Variants in AGBL4 observed in about 807,000 individuals in gnomAD.
AGBL4 encodes the protein cytosolic carboxypeptidase 6.
In AGBL4, 58 loss-of-function variants were observed where a neutral mutation model predicts 66.4. The observed-to-expected ratio is 0.87, with a 90% CI of 0.71 to 1.09. The LOEUF (loss-of-function observed/expected upper bound fraction) is 1.09. AGBL4 is among the 50% of genes least tolerant of loss of function. The probability of loss-of-function intolerance (pLI) is 0.00; values close to 1 mark genes in which losing one functional copy is unlikely to be tolerated. For synonymous variants in AGBL4, 234 were observed against 222.9 expected (o/e 1.05, Z -0.44); for missense variants, 579 against 631.0 (o/e 0.92, Z 0.88).
chr1:49,377,981 C>A (rs943515370), intron 3 of AGBL4, among the ~76,000 whole-genome samples: 4 of 151,824 alleles, frequency 2.6e-5, no homozygotes, highest in African/African-American at 9.7e-5. Flanking sequence ...TGTCTCCCAA[C>A]ACAAACTTCA....
chr1:48,575,850 C>T (rs1644645187), intron 11 of AGBL4, among the ~76,000 whole-genome samples: 2 of 152,216 alleles, frequency 1.3e-5, no homozygotes, highest in African/African-American at 4.8e-5. Flanking sequence ...CCTCACCATG[C>T]ATAGGCTACA....
rs12117516 is a variant in AGBL4, at chr1:49,950,054, A to G, written c.34+73709T>C. ...TGTGTATATATATACACATATGTGTATATATACACACATATATATACACAT... is the reference window on the plus strand; with the variant it reads ...TGTGTATATATATACACATATGTGTGTATATACACACATATATATACACAT... On this transcript the variant is annotated intron_variant, in intron 1 of 13. Transcript: ENST00000371839. Among the ~76,000 whole-genome samples, 6 of 142,994 alleles carry G rather than the reference A, an allele frequency of 4.2e-5. No homozygotes were observed. The South Asian group carries it at 1.1e-3, about 26-fold the overall frequency. 93.8% of individuals were successfully genotyped at this position (142,994 alleles called of 152,430 possible). A position where few individuals can be genotyped will look rare whatever the true frequency, so the allele number is the denominator to read the frequency against.
chr1:48,738,650 T>C (rs967051759), intron 6 of AGBL4, among the ~76,000 whole-genome samples: 1 of 152,208 alleles, frequency 6.6e-6, no homozygotes. Context: ...CAGAAAATCA[T>C]AGAGATGGAT....
intron 5 of AGBL4, among the ~76,000 whole-genome samples, chr1:48,979,061 A>C (rs958611401): frequency 4.6e-5 from 7 of 152,130 alleles, no homozygotes; most frequent in African/African-American, 1.7e-4. Flanking sequence ...GCTTGGCAAA[A>C]GCTGGAAAAC....
intron 3 of AGBL4, among the ~76,000 whole-genome samples, chr1:49,338,053 G>T (rs1570467002): frequency 6.6e-6 from 1 of 152,138 alleles, no homozygotes; most frequent in Admixed American, 6.5e-5. Context: ...TTGAAGTTTA[G>T]TTACTTAAAT....
rs937924380 is a variant in AGBL4 at position 48,983,721 on chromosome 1, C to T, written c.594+61863G>A. On this transcript the variant is annotated intron_variant, in intron 5 of 13. Coordinates refer to ENST00000371839, the MANE Select transcript of AGBL4 (RefSeq NM_032785.4). ...TCAGCCACTTACTAGCTGTGAGTCCCTGGGCAAATTAATTAATCTCTGTGC... is the reference window on the plus strand; with the variant it reads ...TCAGCCACTTACTAGCTGTGAGTCCTTGGGCAAATTAATTAATCTCTGTGC... 2.6e-5 allele frequency among the ~76,000 whole-genome samples: 4 copies of T among 152,200 alleles called. No homozygotes were observed. The East Asian group carries it at 7.7e-4, about 29-fold the overall frequency.
chr1:49,017,031 A>C (rs6669433), intron 5 of AGBL4, among the ~76,000 whole-genome samples: 86,440 of 152,046 alleles, frequency 0.57, 25,025 homozygotes, highest in Non-Finnish European at 0.61. Flanking sequence ...CCTTTAATGA[A>C]AAACAGCTAC....
At chr1:49,526,236 T>C (rs996868482) in intron 3 of AGBL4, among the ~76,000 whole-genome samples, 3 of 152,190 alleles carry the variant, frequency 2.0e-5, no homozygotes, top group Non-Finnish European at 4.4e-5. Context: ...TAAATAACCC[T>C]ATCTTACTGA....
intron 5 of AGBL4, among the ~76,000 whole-genome samples, chr1:48,904,642 G>T (rs941186192): frequency 1.3e-5 from 2 of 152,140 alleles, no homozygotes; most frequent in African/African-American, 4.8e-5. Flanking sequence ...TTCCTCATAT[G>T]TAAAATGGGG....
intron 5 of AGBL4, among the ~76,000 whole-genome samples, chr1:49,021,678 T>C (rs1663263704): frequency 6.6e-6 from 1 of 152,166 alleles, no homozygotes; most frequent in African/African-American, 2.4e-5. Flanking sequence ...CTATGGTACT[T>C]TGTCATAGCA....
intron 4 of AGBL4, among the ~76,000 whole-genome samples, chr1:49,167,739 T>C (rs547290588): frequency 9.5e-4 from 144 of 152,318 alleles, no homozygotes; most frequent in South Asian, 7.9e-3. Flanking sequence ...TTATATTTGT[T>C]TTAGAGAATG....
At chr1:48,966,908 C>T (rs879697702) in intron 5 of AGBL4, among the ~76,000 whole-genome samples, 1 of 152,014 alleles carries the variant, frequency 6.6e-6, no homozygotes, top group Non-Finnish European at 1.5e-5. Flanking sequence ...ATTCAGGTCA[C>T]ATGGTGGGTA....
intron 3 of AGBL4, among the ~76,000 whole-genome samples, chr1:49,610,996 C>G (rs1035338430): frequency 3.3e-5 from 5 of 152,178 alleles, no homozygotes; most frequent in African/African-American, 1.2e-4. Context: ...TAAGGAAGTA[C>G]TGTAGCTCTA....
At chr1:49,668,046 G>T (rs1367440738) in intron 3 of AGBL4, among the ~76,000 whole-genome samples, 1 of 152,098 alleles carries the variant, frequency 6.6e-6, no homozygotes, top group Non-Finnish European at 1.5e-5. Flanking sequence ...CCCAGTTTAG[G>T]GATTCAATAA....
chr1:49,798,948 T>C (rs1378341540), intron 2 of AGBL4, among the ~76,000 whole-genome samples: 2 of 152,146 alleles, frequency 1.3e-5, no homozygotes, highest in Admixed American at 1.3e-4. Context: ...TTTTATTTAA[T>C]AGCTAAGAAA....
In AGBL4 at chr1:48,534,063, C is replaced by T. The variant is rs1283641883; in HGVS notation, c.*110G>A. On this transcript the variant is annotated 3_prime_UTR_variant, in exon 14 of 14. Transcript: ENST00000371839. ...ATTGTATCCCTTCCCTTTCACTAGC[C>T]TATGCATTAATCCACAAATCCTTGG... The T allele has an allele frequency of 1.3e-6, 2 of 1,481,876 alleles. No homozygotes were observed. Among genetic ancestry groups the T allele is most frequent in the South Asian group, 2.4e-5 (2 of 82,142 alleles). The allele number at this position is 1,481,876 out of a possible 1,614,324, so 91.8% of individuals were successfully genotyped here. A position where few individuals can be genotyped will look rare whatever the true frequency, so the allele number is the denominator to read the frequency against.
intron 3 of AGBL4, among the ~76,000 whole-genome samples, chr1:49,612,352 T>A (rs1218545111): frequency 6.6e-6 from 1 of 152,200 alleles, no homozygotes; most frequent in Non-Finnish European, 1.5e-5. Context: ...AGCCAGAAAT[T>A]TATTTTTATT....
chr1:49,881,698 T>C (rs2148144092), intron 1 of AGBL4, among the ~76,000 whole-genome samples: 1 of 151,240 alleles, frequency 6.6e-6, no homozygotes, highest in East Asian at 1.9e-4. Flanking sequence ...TTGAGAAGTG[T>C]CTGTTCATGT....
chr1:49,358,016 G>C (rs1644056268), intron 3 of AGBL4, among the ~76,000 whole-genome samples: 1 of 152,076 alleles, frequency 6.6e-6, no homozygotes, highest in Non-Finnish European at 1.5e-5. Context: ...ACCACAATTA[G>C]TACTCCAATT....
Sources: allele counts gnomAD v4.1 joint callset (sites outside exome capture counted in the v4.1 genomes callset), GRCh38; gene constraint gnomAD v4.1.1; transcripts MANE v1.5; gene names NCBI Gene and HGNC (gene_info 2026-07-23, HGNC 2026-07-21).